SDC1: variants seen among roughly 807,000 people sequenced by gnomAD.
SDC1 encodes the protein syndecan-1.
A neutral mutation model predicts 29.7 loss-of-function variants in SDC1; 14 were observed. The ratio of observed to expected loss-of-function variants is 0.47; its 90% confidence interval spans 0.31 to 0.74. The LOEUF (loss-of-function observed/expected upper bound fraction) is 0.74, where lower values mean the gene tolerates loss of function less well. SDC1 is among the 30% of genes least tolerant of loss of function. The pLI, the probability that SDC1 is intolerant of heterozygous loss-of-function variation, is 0.05. For missense variants in SDC1, 406 were observed against 400.3 expected (o/e 1.01, Z -0.12); for synonymous variants, 204 against 175.5 (o/e 1.16, Z -1.29).
Position 20,200,849 on chromosome 2 carries a change from TC to T in SDC1, c.*1916del, listed in dbSNP as rs1676978519. 1 of 152,254 alleles carries T rather than the reference TC, an allele frequency of 6.6e-6. No homozygotes were observed. Among genetic ancestry groups the T allele is most frequent in the Non-Finnish European group, 1.5e-5 (1 of 68,078 alleles). The allele number at this position is 152,254 out of a possible 1,614,324, so 9.4% of individuals were successfully genotyped here. Reference sequence around the variant, plus strand: ...TGTCGTTACACAAATGAACCCAGCCTCTGGCTTGGGCACCGTCCCACGGACC... The same window carrying T: ...TGTCGTTACACAAATGAACCCAGCCTTGGCTTGGGCACCGTCCCACGGACC... On this transcript the variant is annotated 3_prime_UTR_variant, in exon 5 of 5. Transcript: ENST00000254351.
At position 20,225,083 on chromosome 2, in the gene SDC1, C is replaced by T. The variant is rs1272060453; in HGVS notation, c.-216G>A. Reference sequence around the variant, plus strand: ...CGGCCCGCACCTCTCCCGCCGAGCTCCGCCTTATAATAAACCCACAGGCCC... The same window carrying T: ...CGGCCCGCACCTCTCCCGCCGAGCTTCGCCTTATAATAAACCCACAGGCCC... On this transcript the variant is annotated 5_prime_UTR_variant, in exon 1 of 5. Coordinates refer to ENST00000254351, the MANE Select transcript of SDC1 (RefSeq NM_002997.5). 2 of 460,880 alleles carry T rather than the reference C, an allele frequency of 4.3e-6. No homozygotes were observed. The highest frequency in any genetic ancestry group is 6.5e-6 in the Non-Finnish European group (2 of 305,384). 28.5% of individuals were successfully genotyped at this position (460,880 alleles called of 1,614,324 possible).
intron 2 of SDC1, among the ~76,000 whole-genome samples, chr2:20,204,821 G>A (rs990333270): frequency 2.0e-5 from 3 of 152,058 alleles, no homozygotes; most frequent in Non-Finnish European, 1.5e-5. Context: ...CACCTCCTCT[G>A]TGAAGCTTCC....
intron 1 of SDC1, among the ~76,000 whole-genome samples, chr2:20,212,865 T>C (rs961721355): frequency 6.6e-6 from 1 of 151,908 alleles, no homozygotes; most frequent in Non-Finnish European, 1.5e-5. Flanking sequence ...CTCACTGTCC[T>C]GGGGGCTTCC....
chr2:20,225,472 C>T (rs1330852708), upstream of SDC1: 1 of 152,400 alleles, frequency 6.6e-6, no homozygotes, highest in Non-Finnish European at 1.5e-5. Flanking sequence ...GTGCAGCGCC[C>T]TCTGGGCGTG....
rs1039197004 is a variant in SDC1 at position 20,201,037 on chromosome 2, C to A, written c.*1729G>T. The A allele has an allele frequency of 1.3e-5, 2 of 152,242 alleles. No homozygotes were observed. Among genetic ancestry groups the A allele is most frequent in the Admixed American group, 1.3e-4 (2 of 15,286 alleles). 9.4% of individuals were successfully genotyped at this position (152,242 alleles called of 1,614,324 possible). ...CTGGCCCACCTCTCGGAGTGGCCAA[C>A]GGAGTCGCTGAAACGTTGTCAAATA... On this transcript the variant is annotated 3_prime_UTR_variant, in exon 5 of 5. Coordinates refer to ENST00000254351, the MANE Select transcript of SDC1 (RefSeq NM_002997.5).
chr2:20,222,560 G>A (rs932390903), intron 1 of SDC1, among the ~76,000 whole-genome samples: 16 of 152,180 alleles, frequency 1.1e-4, no homozygotes, highest in Non-Finnish European at 4.4e-5. Context: ...TTCAGGCTCA[G>A]CTCAAGCACC....
At chr2:20,225,361 G>A (rs918934828), upstream of SDC1, 1 of 152,390 alleles carries the variant, frequency 6.6e-6, no homozygotes, top group Admixed American at 6.5e-5. Context: ...TGCTCCCTGG[G>A]TGGTGGGGCC....
intron 1 of SDC1, among the ~76,000 whole-genome samples, chr2:20,210,095 A>C (rs1677416567): frequency 1.3e-5 from 2 of 152,226 alleles, no homozygotes; most frequent in Non-Finnish European, 2.9e-5. Flanking sequence ...TGATCCCAGC[A>C]CTTCGGGAGG....
chr2:20,219,510 C>A (rs1031517699), intron 1 of SDC1, among the ~76,000 whole-genome samples: 3 of 152,220 alleles, frequency 2.0e-5, no homozygotes, highest in African/African-American at 7.2e-5. Context: ...GCACCCCAAA[C>A]ATACCTCCTT....
intron 1 of SDC1, among the ~76,000 whole-genome samples, chr2:20,205,963 C>T (rs530335210): frequency 1.4e-4 from 22 of 152,306 alleles, no homozygotes; most frequent in South Asian, 4.2e-4. Flanking sequence ...ATACCGAGGA[C>T]GGCACAAGGG....
intron 1 of SDC1, among the ~76,000 whole-genome samples, chr2:20,220,232 C>G (rs1214982469): frequency 1.3e-5 from 2 of 152,226 alleles, no homozygotes; most frequent in African/African-American, 2.4e-5. Flanking sequence ...ACGCTCATAT[C>G]CATGGTCTTC....
chr2:20,223,300 A>T, intron 1 of SDC1: 1 of 1,293,732 alleles, frequency 7.7e-7, no homozygotes, highest in Non-Finnish European at 1.0e-6. Flanking sequence ...AAAAAAACCA[A>T]AGCGCTCAAT....
intron 1 of SDC1, among the ~76,000 whole-genome samples, chr2:20,207,074 T>C (rs1448813105): frequency 6.6e-6 from 1 of 152,238 alleles, no homozygotes; most frequent in East Asian, 1.9e-4. Flanking sequence ...TGCCAGGCCC[T>C]GGCCACAGGC....
At chr2:20,205,259 TA>T in intron 2 of SDC1, 83 bp downstream of exon 2, 1 of 1,068,680 alleles carries the variant, frequency 9.4e-7, no homozygotes, top group Non-Finnish European at 1.5e-6. Flanking sequence ...ACATGCTCAG[TA>T]AACACAGGAG....
At chr2:20,217,245 G>A (rs1677655341) in intron 1 of SDC1, among the ~76,000 whole-genome samples, 1 of 152,184 alleles carries the variant, frequency 6.6e-6, no homozygotes, top group Non-Finnish European at 1.5e-5. Context: ...TCACTGCAGA[G>A]ACCACCTCTC....
intron 1 of SDC1, among the ~76,000 whole-genome samples, chr2:20,206,341 C>T (rs1008929094): frequency 4.6e-5 from 7 of 152,212 alleles, no homozygotes; most frequent in Admixed American, 2.6e-4. Flanking sequence ...CTCTCCAGTT[C>T]CTGAGGCCGG....
At chr2:20,210,347 G>A (rs918228716) in intron 1 of SDC1, among the ~76,000 whole-genome samples, 19 of 152,126 alleles carry the variant, frequency 1.2e-4, no homozygotes, top group Non-Finnish European at 2.1e-4. Context: ...GTCCTGGCCC[G>A]GCAGAGCTCC....
At chr2:20,223,523 T>C (rs1677888886) in intron 1 of SDC1, 1 of 324,416 alleles carries the variant, frequency 3.1e-6, no homozygotes, top group South Asian at 2.5e-5. Context: ...CGCCCCTGGC[T>C]CCGCACCTCC....
chr2:20,207,613 G>A (rs564265292), intron 1 of SDC1, among the ~76,000 whole-genome samples: 1 of 152,332 alleles, frequency 6.6e-6, no homozygotes, highest in African/African-American at 2.4e-5. Flanking sequence ...GCTGAGGCAG[G>A]AGAATCCCCT....
Sources: allele counts gnomAD v4.1 joint callset (sites outside exome capture counted in the v4.1 genomes callset), GRCh38; gene constraint gnomAD v4.1.1; transcripts MANE v1.5; gene names NCBI Gene and HGNC (gene_info 2026-07-23, HGNC 2026-07-21).